The following UBXN4 variants were observed in gnomAD, a reference collection of about 807,000 sequenced individuals.
UBXN4 encodes the protein UBX domain-containing protein 4.
In UBXN4, 35 loss-of-function variants were observed where a neutral mutation model predicts 66.2. The ratio of observed to expected loss-of-function variants is 0.53; its 90% CI spans 0.40 to 0.70. The LOEUF is 0.70. Among genes scored for constraint, UBXN4 ranks in the 30% least tolerant of loss-of-function variants. UBXN4 has a pLI of 0.00. For synonymous variants in UBXN4, 203 were observed against 204.5 expected, an observed-to-expected ratio of 0.99 and a Z score of 0.06; for missense variants, 533 against 599.8, an observed-to-expected ratio of 0.89 and a Z score of 1.16.
chr2:135,781,855 T>C (rs543010078), intron 12 of UBXN4, among the ~76,000 whole-genome samples: 2 of 152,322 alleles, frequency 1.3e-5, no homozygotes, highest in South Asian at 4.1e-4. Context: ...CAAGGATCAC[T>C]TGAGGCCAGA....
At chr2:135,765,370 C>T (rs777509496) in intron 6 of UBXN4, among the ~76,000 whole-genome samples, 80 of 151,956 alleles carry the variant, frequency 5.3e-4, no homozygotes, top group African/African-American at 1.7e-3. Context: ...CCACCACACC[C>T]GGCTAATTTT....
chr2:135,748,549 G>A (rs1040013397), intron 2 of UBXN4, among the ~76,000 whole-genome samples, 180 bp downstream of exon 2: 16 of 151,316 alleles, frequency 1.1e-4, no homozygotes, highest in African/African-American at 3.9e-4. Context: ...GGGCAACATA[G>A]TGAGACCCTG....
chr2:135,778,570 A>T (rs1405268252), intron 10 of UBXN4, among the ~76,000 whole-genome samples: 1 of 152,192 alleles, frequency 6.6e-6, no homozygotes, highest in African/African-American at 2.4e-5. Flanking sequence ...CTTAATAGGG[A>T]TTACCTGTAA....
intron 10 of UBXN4, among the ~76,000 whole-genome samples, chr2:135,778,050 G>A (rs1468891410): frequency 6.6e-6 from 1 of 151,754 alleles, no homozygotes; most frequent in African/African-American, 2.4e-5. Context: ...GGTGGCGGGC[G>A]TCTGTAGTCC....
chr2:135,757,545 C>T (rs917895200), intron 5 of UBXN4, among the ~76,000 whole-genome samples: 1 of 152,164 alleles, frequency 6.6e-6, no homozygotes, highest in Non-Finnish European at 1.5e-5. Flanking sequence ...TGAGGATTGG[C>T]TTGTGTTGAT....
At chr2:135,776,372 G>T in intron 10 of UBXN4, 21 bp downstream of exon 10, 1 of 1,591,392 alleles carries the variant, frequency 6.3e-7, no homozygotes, top group Admixed American at 1.8e-5. Context: ...GTCTTGAGTT[G>T]TAGTAAAAAT....
chr2:135,769,063 C>T (rs2077366388), intron 6 of UBXN4, among the ~76,000 whole-genome samples: 1 of 152,014 alleles, frequency 6.6e-6, no homozygotes, highest in South Asian at 2.1e-4. Flanking sequence ...AATGCAGTAA[C>T]GCGAACGTGA....
chr2:135,769,190 C>T (rs1559542198), intron 6 of UBXN4, among the ~76,000 whole-genome samples: 1 of 152,060 alleles, frequency 6.6e-6, no homozygotes, highest in African/African-American at 2.4e-5. Context: ...TCTGTAGAGA[C>T]AGAGTTTTGC....
At chr2:135,749,252 A>G (rs1559537551) in intron 2 of UBXN4, among the ~76,000 whole-genome samples, 1 of 152,190 alleles carries the variant, frequency 6.6e-6, no homozygotes, top group Non-Finnish European at 1.5e-5. Flanking sequence ...ATGGTAAATC[A>G]TACATTGAAT....
At chr2:135,752,983 G>A (rs2105494389) in intron 2 of UBXN4, among the ~76,000 whole-genome samples, 1 of 146,124 alleles carries the variant, frequency 6.8e-6, no homozygotes, top group East Asian at 2.0e-4. Flanking sequence ...CTCCCAAAGT[G>A]CTTGGATTAT....
chr2:135,760,074 T>C (rs2077306143), intron 5 of UBXN4, among the ~76,000 whole-genome samples: 1 of 152,014 alleles, frequency 6.6e-6, no homozygotes, highest in South Asian at 2.1e-4. Flanking sequence ...GACCTAGAAT[T>C]TTTCATTTAG....
intron 4 of UBXN4, among the ~76,000 whole-genome samples, chr2:135,754,515 G>T (rs974665846): frequency 2.0e-5 from 3 of 152,126 alleles, no homozygotes; most frequent in East Asian, 1.9e-4. Flanking sequence ...TAGAGACAGG[G>T]TTTCACCATG....
At chr2:135,764,684 T>G (rs1396405576) in intron 6 of UBXN4, among the ~76,000 whole-genome samples, 3 of 152,142 alleles carry the variant, frequency 2.0e-5, no homozygotes, top group African/African-American at 7.2e-5. Flanking sequence ...TAAAATATTT[T>G]TAGTAGCAAC....
At chr2:135,769,357 G>T (rs2077368429) in intron 6 of UBXN4, among the ~76,000 whole-genome samples, 1 of 150,634 alleles carries the variant, frequency 6.6e-6, no homozygotes, top group South Asian at 2.1e-4. Flanking sequence ...TAGTAATTTG[G>T]TATTAATAAT....
rs114816655 is a variant in UBXN4, at chr2:135,768,511, T to G, written c.603-1258T>G. On this transcript the variant is annotated intron_variant, in intron 6 of 12. Transcript: ENST00000272638. ...CGTGCCTGGCCGATTTTATTAGTTTTTGAGATGGGGTTTCATTACGTTGCA... is the reference window on the plus strand; with the variant it reads ...CGTGCCTGGCCGATTTTATTAGTTTGTGAGATGGGGTTTCATTACGTTGCA... 6.9e-3 allele frequency among the ~76,000 whole-genome samples: 1,046 copies of G among 151,966 alleles called. 10 individuals carry two copies. Among genetic ancestry groups the G allele is most frequent in the African/African-American group, 0.024 (990 of 41,452 alleles).
intron 6 of UBXN4, among the ~76,000 whole-genome samples, chr2:135,763,927 C>G (rs2077331667): frequency 1.3e-5 from 2 of 152,060 alleles, no homozygotes; most frequent in Non-Finnish European, 2.9e-5. Context: ...GAGTTCAAGA[C>G]CAGCCTGGCC....
intron 10 of UBXN4, among the ~76,000 whole-genome samples, chr2:135,777,741 G>A (rs2077425117): frequency 2.0e-5 from 3 of 151,666 alleles, no homozygotes; most frequent in Admixed American, 2.0e-4. Flanking sequence ...AAATTAGCCG[G>A]GCGTGGTGGT....
intron 1 of UBXN4, among the ~76,000 whole-genome samples, chr2:135,743,779 A>G (rs1015624965): frequency 2.6e-5 from 4 of 152,190 alleles, no homozygotes; most frequent in Non-Finnish European, 4.4e-5. Flanking sequence ...GATTTTTATT[A>G]ACAAATATTA....
intron 12 of UBXN4, 131 bp downstream of exon 12, chr2:135,780,516 C>G: frequency 1.3e-6 from 1 of 788,724 alleles, no homozygotes; most frequent in South Asian, 1.8e-5. Flanking sequence ...AGAAAAACTC[C>G]GATGCTCTGA....
Sources: gnomAD v4.1 joint callset for allele counts (sites outside exome capture counted in the v4.1 genomes callset) on GRCh38, gnomAD v4.1.1 for gene constraint, MANE v1.5 for transcripts, NCBI Gene and HGNC (gene_info 2026-07-23, HGNC 2026-07-21) for gene names.